Variants in ORC3 observed in about 807,000 individuals in gnomAD.
The protein encoded by ORC3 is homolog of latheo, Drosophila.
ORC3 carries 78 observed loss-of-function variants against 100.7 expected under a neutral mutation model. That is an observed-to-expected ratio of 0.77 (90% CI 0.65 to 0.94). ORC3 has a LOEUF of 0.94. Ranked by LOEUF, ORC3 falls within the 40% of genes least tolerant of loss-of-function variation. The pLI, the probability that ORC3 is intolerant of heterozygous loss-of-function variation, is 0.00. For missense variants in ORC3, 789 were observed against 823.9 expected (o/e 0.96, Z 0.52); for synonymous variants, 295 against 289.3 (o/e 1.02, Z -0.20).
intron 13 of ORC3, among the ~76,000 whole-genome samples, chr6:87,644,518 T>C (rs1438744816): frequency 6.6e-6 from 1 of 151,950 alleles, no homozygotes; most frequent in Non-Finnish European, 1.5e-5. Flanking sequence ...CTGGCCAACA[T>C]AGTGAAACCC....
the ORC3 span, chr6:87,675,764 T>C: frequency 3.4e-6 from 5 of 1,471,182 alleles, no homozygotes; most frequent in African/African-American, 1.4e-5. Flanking sequence ...AGTAATTTTG[T>C]TGAATTCTCT....
At chr6:87,655,285 A>G (rs1223647071) in intron 14 of ORC3, among the ~76,000 whole-genome samples, 1 of 152,016 alleles carries the variant, frequency 6.6e-6, no homozygotes, top group Non-Finnish European at 1.5e-5. Context: ...TCCTGGGCTC[A>G]AGTAATCCTC....
At chr6:87,659,123 G>T (rs922447292) in intron 16 of ORC3, among the ~76,000 whole-genome samples, 5 of 148,044 alleles carry the variant, frequency 3.4e-5, no homozygotes, top group African/African-American at 1.3e-4. Context: ...GAGTGCAGTG[G>T]TGTGATCTTG....
chr6:87,609,750 C>G (rs1267519943), intron 7 of ORC3, among the ~76,000 whole-genome samples: 1 of 151,950 alleles, frequency 6.6e-6, no homozygotes, highest in South Asian at 2.1e-4. Flanking sequence ...CAGAGTTTCA[C>G]CATGTTGGCC....
intron 9 of ORC3, among the ~76,000 whole-genome samples, chr6:87,617,999 T>A (rs895456204): frequency 6.6e-6 from 1 of 152,228 alleles, no homozygotes; most frequent in East Asian, 1.9e-4. Context: ...TAAATGATAT[T>A]AAGATTAAAC....
chr6:87,628,257 A>G (rs1233013774), intron 11 of ORC3, among the ~76,000 whole-genome samples: 1 of 152,228 alleles, frequency 6.6e-6, no homozygotes, highest in East Asian at 1.9e-4. Flanking sequence ...TGATAGGTGC[A>G]GCAAACTACC....
At chr6:87,677,504 T>C in the ORC3 span, among the ~76,000 whole-genome samples, 3 of 152,282 alleles carry the variant, frequency 2.0e-5, no homozygotes, top group Non-Finnish European at 2.9e-5. Context: ...AATGTCTACA[T>C]TGATGGTAAC....
chr6:87,590,153 C>A lies in ORC3; in HGVS notation c.-16C>A. The A allele has an allele frequency of 1.2e-6, 2 of 1,614,058 alleles. No homozygotes were observed. The highest frequency in any genetic ancestry group is 1.6e-4 in the Middle Eastern group (1 of 6,062). ...AAATCCCGAGTGCATCTGGAATACG[C>A]AGAGTCAGTAAGACCATGGCTACGT... On this transcript the variant is annotated 5_prime_UTR_variant, in exon 1 of 20. Transcript: ENST00000392844.
At chr6:87,662,254 A>G (rs1770239880) in intron 16 of ORC3, among the ~76,000 whole-genome samples, 1 of 152,092 alleles carries the variant, frequency 6.6e-6, no homozygotes, top group South Asian at 2.1e-4. Context: ...GTGAAACCTC[A>G]TCTCTATTAA....
At position 87,663,028 on chromosome 6, in the gene ORC3, C is replaced by A. The variant is rs774368487; in HGVS notation, c.1717C>A (p.Gln573Lys). 18 of 1,609,886 alleles carry A rather than the reference C, an allele frequency of 1.1e-5. No individual in the cohort carries two copies. Among genetic ancestry groups the A allele is most frequent in the Non-Finnish European group, 1.5e-5 (18 of 1,177,204 alleles). ...AGAATACCTTCTGCCTCCTGAGACA[C>A]AGCCTCTCCATGAGGTGGTGTACTT... is the stretch of plus-strand genomic sequence containing the variant. ...VREYLLPPET[Q>K]PLHEVVYFSA... The change falls in exon 17 of 20, where the codon CAG (glutamine) becomes AAG (lysine). Residue 573 changes from glutamine to lysine, a missense_variant. This residue lies in a region of ORC3 where 366 missense variants were observed against 394.2 expected (regional missense o/e 0.93). Coordinates refer to ENST00000392844, the MANE Select transcript of ORC3 (RefSeq NM_012381.4).
intron 15 of ORC3, 81 bp downstream of exon 15, chr6:87,657,063 G>A (rs1769770876): frequency 1.1e-6 from 1 of 920,996 alleles, no homozygotes; most frequent in Non-Finnish European, 1.8e-6. Flanking sequence ...ACTCTGCCTG[G>A]ATGTTTTTGT....
In ORC3 at chr6:87,622,115, T is replaced by C. The variant is rs1296763816; in HGVS notation, c.1185+102T>C. On this transcript the variant is annotated intron_variant, in intron 11 of 19. Coordinates refer to ENST00000392844, the MANE Select transcript of ORC3 (RefSeq NM_012381.4). ...GTTAATAAAACATATTTGTGCATCT[T>C]AATATTTATACAGTGAAGTACTGGG... is the stretch of plus-strand genomic sequence containing the variant. The C allele has an allele frequency of 3.9e-6, 3 of 768,926 alleles. No homozygotes were observed. The African/African-American group carries it at 5.3e-5, about 14-fold the overall frequency. 47.6% of individuals were successfully genotyped at this position (768,926 alleles called of 1,614,324 possible).
chr6:87,632,611 C>A (rs1215754032), intron 11 of ORC3, among the ~76,000 whole-genome samples: 1 of 152,076 alleles, frequency 6.6e-6, no homozygotes, highest in African/African-American at 2.4e-5. Flanking sequence ...ACCTGTAATC[C>A]CAGCACTTTG....
intron 9 of ORC3, among the ~76,000 whole-genome samples, chr6:87,616,683 C>T (rs1478416315): frequency 1.3e-5 from 2 of 152,094 alleles, no homozygotes; most frequent in Admixed American, 6.6e-5. Context: ...TAGGGGCAAG[C>T]AGACTTTTTT....
At chr6:87,602,925 T>TAC (rs1554236434) in intron 3 of ORC3, among the ~76,000 whole-genome samples, 1 of 129,996 alleles carries the variant, frequency 7.7e-6, no homozygotes, top group Non-Finnish European at 1.6e-5. Flanking sequence ...TATATATATA[T>TAC]ACACGTTTAT....
Position 87,606,027 on chromosome 6 carries a change from A to C in ORC3, c.427+6A>C. The C allele has an allele frequency of 7.1e-7, 1 of 1,409,766 alleles. No individual in the cohort carries two copies. Among genetic ancestry groups the C allele is most frequent in the Non-Finnish European group, 1.0e-6 (1 of 996,524 alleles). The allele number at this position is 1,409,766 out of a possible 1,614,324, so 87.3% of individuals were successfully genotyped here. On this transcript the variant is annotated splice_donor_region_variant and intron_variant, in intron 5 of 19. Transcript: ENST00000392844. ...GCAAGCTAAAGATTGTCCAGGTAAA[A>C]ATATAAATGCCATAATAACCTTGAT...
intron 13 of ORC3, among the ~76,000 whole-genome samples, chr6:87,638,628 C>T (rs1335706369): frequency 6.6e-6 from 1 of 152,034 alleles, no homozygotes; most frequent in Non-Finnish European, 1.5e-5. Flanking sequence ...AAATTTGAAA[C>T]ACTTCAAATT....
intron 2 of ORC3, 113 bp from the exon 3 acceptor site, chr6:87,601,671 C>CAAA: frequency 3.5e-5 from 18 of 513,396 alleles, no homozygotes; most frequent in Middle Eastern, 5.6e-4. Flanking sequence ...GACTCCATAT[C>CAAA]AAAAAAAAAA....
chr6:87,602,672 T>A (rs924344409), intron 3 of ORC3, among the ~76,000 whole-genome samples: 1 of 151,868 alleles, frequency 6.6e-6, no homozygotes, highest in African/African-American at 2.4e-5. Context: ...CCGTCTTCAT[T>A]TCTGAATCTG....
Sources: gnomAD v4.1 joint callset for allele counts (sites outside exome capture counted in the v4.1 genomes callset) on GRCh38, gnomAD v4.1.1 for gene constraint, gnomAD v4.1.1 regional missense constraint, MANE v1.5 for transcripts, NCBI Gene and HGNC (gene_info 2026-07-23, HGNC 2026-07-21) for gene names.